Variants in ZNF804B observed in about 807,000 individuals in gnomAD.
The protein encoded by ZNF804B is zinc finger protein 804B.
A neutral mutation model predicts 101.4 loss-of-function variants in ZNF804B; 80 were observed. The observed-to-expected ratio is 0.79, with a 90% confidence interval of 0.66 to 0.95. The LOEUF is 0.95. ZNF804B is among the 40% of genes least tolerant of loss of function. ZNF804B has a pLI of 0.00. For missense variants in ZNF804B, 1,673 were observed against 1,561.9 expected (o/e 1.07, Z -1.20); for synonymous variants, 622 against 558.8 (o/e 1.11, Z -1.59).
chr7:89,248,208 T>C (rs1250527133), intron 2 of ZNF804B, among the ~76,000 whole-genome samples: 1 of 152,108 alleles, frequency 6.6e-6, no homozygotes, highest in Non-Finnish European at 1.5e-5. Flanking sequence ...AAGAGAATTT[T>C]TCCTAATCTT....
At chr7:88,826,067 T>C (rs1791047363) in intron 1 of ZNF804B, among the ~76,000 whole-genome samples, 1 of 152,098 alleles carries the variant, frequency 6.6e-6, no homozygotes, top group East Asian at 1.9e-4. Context: ...TGCTGAAAGG[T>C]TTAATGATAT....
chr7:88,769,836 G>C (rs1336954625), intron 1 of ZNF804B, among the ~76,000 whole-genome samples: 2 of 152,140 alleles, frequency 1.3e-5, no homozygotes, highest in Non-Finnish European at 2.9e-5. Context: ...GCAAGGTTTT[G>C]TTAGCAATTG....
intron 1 of ZNF804B, among the ~76,000 whole-genome samples, chr7:88,924,736 A>G (rs1208004233): frequency 2.0e-5 from 3 of 152,156 alleles, no homozygotes; most frequent in African/African-American, 7.2e-5. Flanking sequence ...TACTCATAGA[A>G]GTAGTATTTC....
At chr7:89,176,587 C>CTTT (rs142696289) in intron 1 of ZNF804B, among the ~76,000 whole-genome samples, 571 of 53,708 alleles carry the variant, frequency 0.011, 25 homozygotes, top group African/African-American at 0.035. Context: ...TTCTTTCTTT[C>CTTT]TTTCTTTTTT....
chr7:89,126,031 A>T (rs949141721), intron 1 of ZNF804B, among the ~76,000 whole-genome samples: 3 of 152,016 alleles, frequency 2.0e-5, no homozygotes, highest in African/African-American at 4.8e-5. Context: ...TTGTAAATCA[A>T]TATCTTCAGA....
intron 1 of ZNF804B, among the ~76,000 whole-genome samples, chr7:89,208,769 T>C (rs1310384048): frequency 5.9e-5 from 9 of 152,150 alleles, no homozygotes; most frequent in Middle Eastern, 3.4e-3. Context: ...TCCCAGCACT[T>C]TGAGAGGCCG....
At chr7:88,760,877 T>G (rs924934373) in intron 1 of ZNF804B, among the ~76,000 whole-genome samples, 1 of 142,086 alleles carries the variant, frequency 7.0e-6, no homozygotes, top group East Asian at 2.0e-4. Context: ...TGTATGTGTG[T>G]GTAATTTATA....
At chr7:89,101,442 T>C (rs886203751) in intron 1 of ZNF804B, among the ~76,000 whole-genome samples, 2 of 152,026 alleles carry the variant, frequency 1.3e-5, no homozygotes, top group African/African-American at 2.4e-5. Context: ...CGGCTACTCC[T>C]GTTTAAAATA....
rs566178919 is a variant in ZNF804B at position 88,824,543 on chromosome 7, G to A, written c.108+64459G>A. On this transcript the variant is annotated intron_variant, in intron 1 of 3. Coordinates refer to ENST00000333190, the MANE Select transcript of ZNF804B (RefSeq NM_181646.5). ...TAGCACTGTGAGAACAGACTGATAC[G>A]TGGGGCTACTAAATCAACATATGTA... 5.3e-5 allele frequency among the ~76,000 whole-genome samples: 8 copies of A among 152,204 alleles called. No individual in the cohort carries two copies. In the East Asian group the frequency reaches 5.8e-4, roughly 11 times the overall value.
intron 1 of ZNF804B, among the ~76,000 whole-genome samples, chr7:88,962,421 G>T (rs1323519797): frequency 3.3e-5 from 5 of 150,894 alleles, no homozygotes; most frequent in Non-Finnish European, 7.4e-5. Flanking sequence ...GCAGTGTTCT[G>T]ATTTAAACTT....
At chr7:88,761,373 CA>C (rs1360966980) in intron 1 of ZNF804B, among the ~76,000 whole-genome samples, 2 of 152,148 alleles carry the variant, frequency 1.3e-5, no homozygotes, top group African/African-American at 4.8e-5. Context: ...AAGTACTTAA[CA>C]ATTAAACTCA....
intron 2 of ZNF804B, among the ~76,000 whole-genome samples, chr7:89,228,407 A>C (rs996267849): frequency 1.3e-5 from 2 of 152,088 alleles, no homozygotes; most frequent in African/African-American, 4.8e-5. Flanking sequence ...CTGTTTTAGC[A>C]GGGCGCTGAT....
At chr7:88,982,425 A>T (rs1038139412) in intron 1 of ZNF804B, among the ~76,000 whole-genome samples, 4 of 152,060 alleles carry the variant, frequency 2.6e-5, no homozygotes, top group Non-Finnish European at 4.4e-5. Flanking sequence ...TGGCTTAACT[A>T]ACAGAAATTT....
At chr7:89,216,257 G>A (rs1312702140) in intron 1 of ZNF804B, among the ~76,000 whole-genome samples, 2 of 152,200 alleles carry the variant, frequency 1.3e-5, no homozygotes, top group African/African-American at 4.8e-5. Flanking sequence ...GCGGTGAGCC[G>A]AGATCGCGCC....
chr7:88,903,373 A>G (rs1052439554), intron 1 of ZNF804B, among the ~76,000 whole-genome samples: 4 of 152,104 alleles, frequency 2.6e-5, no homozygotes, highest in Non-Finnish European at 4.4e-5. Flanking sequence ...ACCTAGCTTG[A>G]TTCCATATCT....
intron 2 of ZNF804B, among the ~76,000 whole-genome samples, chr7:89,222,235 T>G (rs948350445): frequency 2.0e-5 from 3 of 151,956 alleles, no homozygotes; most frequent in African/African-American, 7.2e-5. Context: ...GGGATCACTT[T>G]AGAAATCTTT....
At chr7:88,952,604 C>T (rs545917157) in intron 1 of ZNF804B, among the ~76,000 whole-genome samples, 1 of 151,810 alleles carries the variant, frequency 6.6e-6, no homozygotes, top group African/African-American at 2.4e-5. Flanking sequence ...AAAGACCTTC[C>T]TTTTATTGAT....
At chr7:88,774,640 G>T (rs1790117251) in intron 1 of ZNF804B, among the ~76,000 whole-genome samples, 1 of 152,178 alleles carries the variant, frequency 6.6e-6, no homozygotes, top group South Asian at 2.1e-4. Context: ...TGTGAATAAA[G>T]GATCTGGAAA....
intron 1 of ZNF804B, among the ~76,000 whole-genome samples, chr7:88,817,564 A>G (rs1057314745): frequency 6.6e-6 from 1 of 152,144 alleles, no homozygotes; most frequent in Non-Finnish European, 1.5e-5. Flanking sequence ...TGCATTTATA[A>G]AAGTAAATAT....
Sources: allele counts gnomAD v4.1 joint callset (sites outside exome capture counted in the v4.1 genomes callset), GRCh38; gene constraint gnomAD v4.1.1; transcripts MANE v1.5; gene names NCBI Gene and HGNC (gene_info 2026-07-23, HGNC 2026-07-21).